Variants in APOB observed in about 807,000 individuals in gnomAD.
APOB encodes apolipoprotein B-100.
APOB carries 153 observed loss-of-function variants against 314.1 expected under a neutral mutation model. The observed-to-expected ratio is 0.49, with a 90% CI of 0.43 to 0.56. The LOEUF (loss-of-function observed/expected upper bound fraction) is 0.56, where lower values mean the gene tolerates loss of function less well. APOB is among the 20% of genes least tolerant of loss of function. The pLI, the probability that APOB is intolerant of heterozygous loss-of-function variation, is 0.00. For synonymous variants in APOB, 2,087 were observed against 2,036.4 expected, an observed-to-expected ratio of 1.02 and a Z score of -0.67; for missense variants, 5,430 against 5,350.7, an observed-to-expected ratio of 1.01 and a Z score of -0.46.
intron 12 of APOB, among the ~76,000 whole-genome samples, chr2:21,029,393 A>G (rs1443739295): frequency 6.6e-6 from 1 of 152,008 alleles, no homozygotes; most frequent in Admixed American, 6.6e-5. Context: ...CAGAAGTTGC[A>G]GTGAGCCGAG....
chr2:21,013,083 T>C, intron 25 of APOB, 77 bp downstream of exon 25: 1 of 1,588,034 alleles, frequency 6.3e-7, no homozygotes, highest in Non-Finnish European at 8.6e-7. Context: ...CAAAGTCCTT[T>C]CCTCCCTGGA....
chr2:21,025,048 C>T lies in APOB; in HGVS notation c.2321G>A (p.Arg774Lys). The change falls in exon 16 of 29, where the codon AGA becomes AAA. Residue 774 changes from arginine to lysine, a missense_variant. Around this residue, in one of 3 missense-constraint regions of APOB, gnomAD observed 2,085 missense variants for 2,079.7 expected, o/e 1.00. Coordinates refer to ENST00000233242, the MANE Select transcript of APOB (RefSeq NM_000384.3). ...DLKSKEVPEA[R>K]AYLRILGEEL... ...CTCTCCCAAGATGCGGAGGTAGGCT[C>T]TGGCTTCCGGGACTTCTTTGGATTT... 3 of 1,614,250 alleles carry T rather than the reference C, an allele frequency of 1.9e-6. No individual in the cohort carries two copies. The highest frequency in any genetic ancestry group is 2.5e-6 in the Non-Finnish European group (3 of 1,180,056).
rs72653100 is a variant in APOB at position 21,007,626 on chromosome 2, C to A, written c.9242G>T (p.Ser3081Ile). ...TACTTGCCAACTTGCTTGCTGGGCACTGGGACTCAGAAACAGTGCATAGTT... is the reference window on the plus strand; with the variant it reads ...TACTTGCCAACTTGCTTGCTGGGCAATGGGACTCAGAAACAGTGCATAGTT... Reference protein sequence around the residue: ...LNNYALFLSPSAQQASWQVSA... With the variant: ...LNNYALFLSPIAQQASWQVSA... Residue 3081 changes from serine to isoleucine, a missense_variant, in exon 26 of 29, where the codon AGT becomes ATT. By Grantham distance (142) the Ser-to-Ile change is moderately radical (BLOSUM62 -2). Coordinates refer to ENST00000233242, the MANE Select transcript of APOB (RefSeq NM_000384.3). 1 of 1,614,060 alleles carries A rather than the reference C, an allele frequency of 6.2e-7. No individual in the cohort carries two copies. Among genetic ancestry groups the A allele is most frequent in the Non-Finnish European group, 8.5e-7 (1 of 1,179,952 alleles).
intron 20 of APOB, among the ~76,000 whole-genome samples, chr2:21,017,386 C>T (rs1663506639): frequency 6.6e-6 from 1 of 152,070 alleles, no homozygotes; most frequent in African/African-American, 2.4e-5. Flanking sequence ...AAGAGTAAAA[C>T]TGGATACAAG....
rs1297997404 is a variant in APOB, at chr2:21,014,510, C to A, written c.3780G>T (p.Glu1260Asp). The change falls in exon 24 of 29, where the codon GAG (glutamate) becomes GAT (aspartate). Residue 1260 changes from glutamate (E) to aspartate (D), a missense_variant. Glu to Asp is a conservative substitution (Grantham distance 45). Coordinates refer to ENST00000233242, the MANE Select transcript of APOB (RefSeq NM_000384.3). The part of the protein sequence containing the change: ...TLQDHLNSLK[E>D]FNLQNMGLPD... ...GCAATCCCATGTTCTGGAGGTTGAACTCCTTCAGGCTATTGAGGTGGTCTT... is the reference window on the plus strand; with the variant it reads ...GCAATCCCATGTTCTGGAGGTTGAAATCCTTCAGGCTATTGAGGTGGTCTT... 1.2e-6 allele frequency: 2 copies of A among 1,613,986 alleles called. No homozygotes were observed. Among genetic ancestry groups the A allele is most frequent in the African/African-American group, 2.7e-5 (2 of 74,908 alleles).
In APOB at chr2:21,011,220, G is replaced by T. The variant is rs759399206; in HGVS notation, c.5648C>A (p.Thr1883Lys). Residue 1883 changes from threonine to lysine, a missense_variant, in exon 26 of 29, where the codon ACA (threonine) becomes AAA (lysine). Physicochemically the swap from Thr to Lys is moderately conservative, Grantham distance 78. Around this residue, in one of 3 missense-constraint regions of APOB, gnomAD observed 3,281 missense variants for 3,171.0 expected, o/e 1.03. Coordinates refer to ENST00000233242, the MANE Select transcript of APOB (RefSeq NM_000384.3). ...AGLASAIDMS[T>K]NYNSDSLHFS... Reference sequence around the variant, plus strand: ...ATGCAGTGAGTCTGAATTATAGTTTGTGCTCATGTCAATGGCTGAAGCCAG... The same window carrying T: ...ATGCAGTGAGTCTGAATTATAGTTTTTGCTCATGTCAATGGCTGAAGCCAG... 1 of 1,614,194 alleles carries T rather than the reference G, an allele frequency of 6.2e-7. No individual in the cohort carries two copies. The highest frequency in any genetic ancestry group is 1.1e-5 in the South Asian group (1 of 91,080).
rs1361236909 is a variant in APOB, at chr2:21,001,899, T to C, written c.13523A>G (p.Asp4508Gly). 5.6e-6 allele frequency: 9 copies of C among 1,613,976 alleles called. No individual in the cohort carries two copies. The Admixed American group carries it at 1.5e-4, about 27-fold the overall frequency. Residue 4508 changes from aspartate to glycine, a missense_variant, in exon 29 of 29, where the codon GAT becomes GGT. Physicochemically the swap from Asp to Gly is moderately conservative, Grantham distance 94. Around this residue, in one of 3 missense-constraint regions of APOB, gnomAD observed 3,281 missense variants for 3,171.0 expected, o/e 1.03. Transcript: ENST00000233242. ...TTCAGCAATAAATTTTTCATAGTAA[T>C]CAGAGAGTTGGTCTGAAAAATCTTG... Reference protein sequence around the residue: ...KLQDFSDQLSDYYEKFIAESK... With the variant: ...KLQDFSDQLSGYYEKFIAESK...
intron 16 of APOB, chr2:21,024,653 G>A (rs1663689102): frequency 1.8e-6 from 1 of 549,786 alleles, no homozygotes; most frequent in Non-Finnish European, 3.2e-6. Flanking sequence ...AGGACCTTCA[G>A]CAAAGGTAGA....
chr2:21,024,818 G>T, intron 16 of APOB, 115 bp downstream of exon 16: 1 of 1,097,294 alleles, frequency 9.1e-7, no homozygotes, highest in Non-Finnish European at 1.4e-6. Context: ...CATCTCTGAA[G>T]AAAGTACAAG....
rs1206711447 is a variant in APOB, at chr2:21,042,482, G to A, written c.122-6C>T. On this transcript the variant is annotated splice_region_variant and splice_polypyrimidine_tract_variant and intron_variant, in intron 2 of 28. Coordinates refer to ENST00000233242, the MANE Select transcript of APOB (RefSeq NM_000384.3). ...CTTGAATCGGGTCGCATCTTCTAAC[G>A]TGGGGAGAAATACGTCAGCCACATA... The A allele has an allele frequency of 1.2e-6, 2 of 1,611,090 alleles. No homozygotes were observed. Among genetic ancestry groups the A allele is most frequent in the East Asian group, 4.5e-5 (2 of 44,874 alleles).
rs1384394474 is a variant in APOB, at chr2:21,006,763, AAGAAAGGAGATGAGCAAC to A, written c.10087_10104del (p.Val3363_Ser3368del). 6.2e-7 allele frequency: 1 copy of A among 1,614,006 alleles called. No individual in the cohort carries two copies. Among genetic ancestry groups the A allele is most frequent in the Non-Finnish European group, 8.5e-7 (1 of 1,179,980 alleles). ...AGTGCATCAATGACAGATGAAGATG[AAGAAAGGAGATGAGCAAC>A]AATATCTGACTGGTTAAAAAGTTCA... On this transcript the variant is annotated inframe_deletion, in exon 26 of 29. Coordinates refer to ENST00000233242, the MANE Select transcript of APOB (RefSeq NM_000384.3).
In APOB at chr2:21,005,064, G is replaced by A. The variant is rs139704306; in HGVS notation, c.11788+16C>T. ...AAATATACAGTATCTAGGAGAGGAG[G>A]CAGGATATTTCTTACCATTTAGTTC... On this transcript the variant is annotated intron_variant, in intron 26 of 28. Coordinates refer to ENST00000233242, the MANE Select transcript of APOB (RefSeq NM_000384.3). 2,303 of 1,612,520 alleles carry A rather than the reference G, an allele frequency of 1.4e-3. 10 individuals carry two copies. Among genetic ancestry groups the A allele is most frequent in the South Asian group, 3.0e-3 (272 of 91,042 alleles).
In APOB at chr2:21,041,026, G is replaced by T; in HGVS notation, c.295C>A (p.Leu99Met). The change falls in exon 4 of 29, where the codon CTG becomes ATG. Residue 99 changes from leucine to methionine, a missense_variant. Physicochemically the swap from Leu to Met is conservative, Grantham distance 15. Transcript: ENST00000233242. ...GGGTTGAAGCCATACACCTCTTTCA[G>T]GGTGCACTGGCTGGTCTTCAGGATG... ...SFILKTSQCT[L>M]KEVYGFNPEG... 6.2e-7 allele frequency: 1 copy of T among 1,613,588 alleles called. No homozygotes were observed. Among genetic ancestry groups the T allele is most frequent in the Non-Finnish European group, 8.5e-7 (1 of 1,179,930 alleles).
intron 6 of APOB, 38 bp from the exon 7 acceptor site, chr2:21,035,746 C>T (rs1663988398): frequency 6.2e-7 from 1 of 1,610,832 alleles, no homozygotes; most frequent in Admixed American, 1.7e-5. Context: ...TTGATCAGTC[C>T]CTGTATCTTC....
chr2:21,010,945 C>G lies in APOB; in HGVS notation c.5923G>C (p.Ala1975Pro). Residue 1975 changes from alanine to proline, a missense_variant, in exon 26 of 29, where the codon GCT becomes CCT. Physicochemically the swap from Ala to Pro is conservative, Grantham distance 27 (BLOSUM62 -1). Transcript: ENST00000233242. ...EHKVSALLTP[A>P]EQTGTWKLKT... ...AGTTTCCAGGTGCCTGTCTGCTCAGCTGGAGTAAGCAGGGCACTGACTTTG... is the reference window on the plus strand; with the variant it reads ...AGTTTCCAGGTGCCTGTCTGCTCAGGTGGAGTAAGCAGGGCACTGACTTTG... The G allele has an allele frequency of 6.2e-7, 1 of 1,614,122 alleles. No homozygotes were observed. Among genetic ancestry groups the G allele is most frequent in the South Asian group, 1.1e-5 (1 of 91,086 alleles).
Position 21,007,080 on chromosome 2 carries a change from A to G in APOB, c.9788T>C (p.Phe3263Ser), listed in dbSNP as rs1479305333. 9.3e-6 allele frequency: 15 copies of G among 1,614,006 alleles called. No individual in the cohort carries two copies. Among genetic ancestry groups the G allele is most frequent in the Non-Finnish European group, 1.3e-5 (15 of 1,179,942 alleles). Residue 3263 changes from phenylalanine to serine, a missense_variant, in exon 26 of 29, where the codon TTC (phenylalanine) becomes TCC (serine). Phe to Ser is a radical substitution (Grantham distance 155). Transcript: ENST00000233242. ...VPVVNVEVSP[F>S]TIEMSAFGYV... ...GCCGAATGCCGACATCTCTATGGTG[A>G]ATGGAGACACTTCAACATTGACAAC...
In APOB at chr2:21,007,788, C is replaced by T. The variant is rs757895045; in HGVS notation, c.9080G>A (p.Gly3027Glu). 2.5e-6 allele frequency: 4 copies of T among 1,614,042 alleles called. No homozygotes were observed. Among genetic ancestry groups the T allele is most frequent in the Non-Finnish European group, 3.4e-6 (4 of 1,179,932 alleles). Reference protein sequence around the residue: ...FTGRHDAHLNGKVIGTLKNSL... With the variant: ...FTGRHDAHLNEKVIGTLKNSL... ...ATTTTTCAAAGTTCCAATAACCTTT[C>T]CATTTAAATGAGCATCATGCCTCCC... The change falls in exon 26 of 29, where the codon GGA becomes GAA. Residue 3027 changes from glycine (G) to glutamate (E), a missense_variant. Around this residue, in one of 3 missense-constraint regions of APOB, gnomAD observed 3,281 missense variants for 3,171.0 expected, o/e 1.03. Transcript: ENST00000233242.
chr2:21,011,545 T>C lies in APOB; in HGVS notation c.5323A>G (p.Ser1775Gly). 1 of 1,614,164 alleles carries C rather than the reference T, an allele frequency of 6.2e-7. No homozygotes were observed. The highest frequency in any genetic ancestry group is 8.5e-7 in the Non-Finnish European group (1 of 1,179,998). The change falls in exon 26 of 29, where the codon AGC becomes GGC. Residue 1775 changes from serine to glycine, a missense_variant. Coordinates refer to ENST00000233242, the MANE Select transcript of APOB (RefSeq NM_000384.3). The stretch of plus-strand genomic sequence containing the variant: ...GTTTGCTTATAAAACTTGTCAGAGC[T>C]GTAAATGTTGTCAAGTTTTGAAGAG... ...DFSSKLDNIY[S>G]SDKFYKQTVN...
At chr2:21,035,911 T>C (rs1008174328) in intron 6 of APOB, among the ~76,000 whole-genome samples, 2 of 152,166 alleles carry the variant, frequency 1.3e-5, no homozygotes, top group Non-Finnish European at 2.9e-5. Flanking sequence ...GACTCCTCTT[T>C]TTCCACCCTC....
Sources: allele counts gnomAD v4.1 joint callset (sites outside exome capture counted in the v4.1 genomes callset), GRCh38; gene constraint gnomAD v4.1.1; regional missense constraint gnomAD v4.1.1; transcripts MANE v1.5; gene names NCBI Gene and HGNC (gene_info 2026-07-23, HGNC 2026-07-21).